MYT1L: variants seen among roughly 807,000 people sequenced by gnomAD.
MYT1L encodes myelin transcription factor 1-like protein.
Under a neutral mutation model 126.7 loss-of-function variants are expected in MYT1L, and 12 were observed. That is an observed-to-expected ratio of 0.09 (90% CI 0.06 to 0.15). The LOEUF is 0.15. Among genes scored for constraint, MYT1L ranks in the 10% least tolerant of loss-of-function variants. The probability of loss-of-function intolerance (pLI) is 1.00; values close to 1 mark genes in which losing one functional copy is unlikely to be tolerated. For missense variants in MYT1L, 979 were observed against 1,585.2 expected, an observed-to-expected ratio of 0.62 and a Z score of 6.49; for synonymous variants, 541 against 604.2, an observed-to-expected ratio of 0.90 and a Z score of 1.53.
chr2:1,866,708 A>G (rs1573008697), intron 18 of MYT1L, among the ~76,000 whole-genome samples: 1 of 84,350 alleles, frequency 1.2e-5, no homozygotes, highest in Non-Finnish European at 2.3e-5. Flanking sequence ...AGAGGGAGGG[A>G]GAGAGAGAGG....
At chr2:2,152,422 C>G (rs570786513) in intron 3 of MYT1L, among the ~76,000 whole-genome samples, 1 of 152,336 alleles carries the variant, frequency 6.6e-6, no homozygotes, top group South Asian at 2.1e-4. Flanking sequence ...TAGTTGAAAC[C>G]TCAGAAAGGA....
At chr2:2,001,974 G>A (rs1410097519) in intron 4 of MYT1L, among the ~76,000 whole-genome samples, 1 of 152,140 alleles carries the variant, frequency 6.6e-6, no homozygotes, top group Non-Finnish European at 1.5e-5. Context: ...CTGCTCCACG[G>A]TGAGAAATAG....
intron 2 of MYT1L, among the ~76,000 whole-genome samples, chr2:2,244,288 T>A (rs1391172899): frequency 6.6e-6 from 1 of 152,196 alleles, no homozygotes; most frequent in Non-Finnish European, 1.5e-5. Flanking sequence ...TGGGTTTTTG[T>A]TTGTGTCCAT....
chr2:1,820,222 C>T (rs1471200397), intron 21 of MYT1L, among the ~76,000 whole-genome samples: 1 of 152,208 alleles, frequency 6.6e-6, no homozygotes, highest in African/African-American at 2.4e-5. Flanking sequence ...GTATAGAATA[C>T]TGAGTGTGCA....
intron 8 of MYT1L, among the ~76,000 whole-genome samples, chr2:1,968,394 T>G (rs189232725): frequency 6.6e-6 from 1 of 152,278 alleles, no homozygotes; most frequent in African/African-American, 2.4e-5. Flanking sequence ...ATGAATAAAA[T>G]TTCTTCCAAG....
chr2:1,882,641 A>C (rs549176595), intron 18 of MYT1L, among the ~76,000 whole-genome samples: 27 of 152,316 alleles, frequency 1.8e-4, no homozygotes, highest in East Asian at 1.4e-3. Context: ...TAAACTGTGA[A>C]AGCAAAAGAT....
chr2:2,311,735 AG>A (rs2095974719), intron 1 of MYT1L, among the ~76,000 whole-genome samples: 1 of 152,160 alleles, frequency 6.6e-6, no homozygotes, highest in African/African-American at 2.4e-5. Context: ...GGAGCATGCA[AG>A]GCCTCTGTTC....
chr2:2,182,776 C>T (rs532731495), intron 2 of MYT1L, among the ~76,000 whole-genome samples: 2 of 152,260 alleles, frequency 1.3e-5, no homozygotes, highest in South Asian at 4.1e-4. Flanking sequence ...TACCAAACAC[C>T]ACCAAAGAGC....
At chr2:2,012,534 G>C (rs1004499068) in intron 4 of MYT1L, among the ~76,000 whole-genome samples, 1 of 152,158 alleles carries the variant, frequency 6.6e-6, no homozygotes, top group African/African-American at 2.4e-5. Flanking sequence ...GGTGATACTT[G>C]TTTGTATCTG....
intron 4 of MYT1L, among the ~76,000 whole-genome samples, chr2:2,015,190 T>C (rs2064247863): frequency 6.6e-6 from 1 of 152,208 alleles, no homozygotes; most frequent in Non-Finnish European, 1.5e-5. Context: ...CTGAAGAGAA[T>C]GGGTGCAAGG....
chr2:2,095,674 A>C (rs1356552045), intron 3 of MYT1L, among the ~76,000 whole-genome samples: 1 of 152,038 alleles, frequency 6.6e-6, no homozygotes, highest in African/African-American at 2.4e-5. Context: ...TTCTCTCTGC[A>C]ATCTATGGGC....
chr2:1,892,454 A>T (rs894156567), intron 14 of MYT1L, among the ~76,000 whole-genome samples, 167 bp from the exon 15 acceptor site: 59 of 152,016 alleles, frequency 3.9e-4, no homozygotes, highest in African/African-American at 1.4e-3. Flanking sequence ...GGCAAACGAA[A>T]ACAAAACAAA....
chr2:2,270,197 C>T (rs2095234704), intron 2 of MYT1L, among the ~76,000 whole-genome samples: 6 of 152,206 alleles, frequency 3.9e-5, no homozygotes, highest in Admixed American at 3.9e-4. Context: ...CGCCACACAC[C>T]AGATGTGCAG....
At position 2,228,012 on chromosome 2, in the gene MYT1L, C is replaced by T. The variant is rs1263410214; in HGVS notation, c.-420-55024G>A. On this transcript the variant is annotated intron_variant, in intron 2 of 24. Coordinates refer to ENST00000647738, the MANE Select transcript of MYT1L (RefSeq NM_001303052.2). This position sits in a 1 kb window ranked among gnomAD's most constrained non-coding sequence, Gnocchi z 5.9. ...TTGCAGTTGAGAAAATAGATACTCA[C>T]AGACATTAACTAAATTGCCCAATGT... is the stretch of plus-strand genomic sequence containing the variant. Among the ~76,000 whole-genome samples, 5 of 152,188 alleles carry T rather than the reference C, an allele frequency of 3.3e-5. No homozygotes were observed. Among genetic ancestry groups the T allele is most frequent in the Admixed American group, 1.3e-4 (2 of 15,276 alleles).
chr2:1,911,552 C>T (rs2051977752), intron 12 of MYT1L, among the ~76,000 whole-genome samples: 1 of 152,118 alleles, frequency 6.6e-6, no homozygotes, highest in Non-Finnish European at 1.5e-5. Flanking sequence ...CCCAGCCTCC[C>T]ACAGACCACC....
At chr2:2,081,230 C>T (rs144839565) in intron 3 of MYT1L, among the ~76,000 whole-genome samples, 2 of 152,260 alleles carry the variant, frequency 1.3e-5, no homozygotes, top group East Asian at 1.9e-4. Flanking sequence ...GAAAACAGGC[C>T]GTCTCTCCTG....
chr2:1,911,443 C>G (rs954375643), intron 12 of MYT1L, among the ~76,000 whole-genome samples: 1 of 152,168 alleles, frequency 6.6e-6, no homozygotes, highest in Non-Finnish European at 1.5e-5. Flanking sequence ...CTTATCAAGT[C>G]TGCACAGGAC....
chr2:1,828,829 A>C (rs544979041), intron 21 of MYT1L, among the ~76,000 whole-genome samples: 2 of 152,314 alleles, frequency 1.3e-5, no homozygotes, highest in South Asian at 4.1e-4. Flanking sequence ...CCAGACAGAA[A>C]AGGTTTTAAG....
At chr2:2,140,515 A>C (rs1575445333) in intron 3 of MYT1L, among the ~76,000 whole-genome samples, 1 of 146,514 alleles carries the variant, frequency 6.8e-6, no homozygotes, top group Non-Finnish European at 1.5e-5. Context: ...GATCACTACA[A>C]CCTCCGCCTC....
Sources: gnomAD v4.1 joint callset for allele counts (sites outside exome capture counted in the v4.1 genomes callset) on GRCh38, gnomAD v4.1.1 for gene constraint, Gnocchi (gnomAD v3.1) non-coding constraint, MANE v1.5 for transcripts, NCBI Gene and HGNC (gene_info 2026-07-23, HGNC 2026-07-21) for gene names.